The following TNRC6C variants were observed in gnomAD, a reference collection of about 807,000 sequenced individuals.
TNRC6C encodes the protein trinucleotide repeat containing adaptor 6C, also known as trinucleotide repeat-containing gene 6C protein.
Under a neutral mutation model 153.7 loss-of-function variants are expected in TNRC6C, and 20 were observed. That is an observed-to-expected ratio of 0.13 (90% CI 0.09 to 0.19). The LOEUF (loss-of-function observed/expected upper bound fraction) is 0.19, where lower values mean the gene tolerates loss of function less well. TNRC6C is among the 10% of genes least tolerant of loss of function. The pLI, the probability that TNRC6C is intolerant of heterozygous loss-of-function variation, is 1.00. For synonymous variants in TNRC6C, 811 were observed against 841.4 expected (o/e 0.96, Z 0.63); for missense variants, 1,987 against 2,172.0 (o/e 0.91, Z 1.69).
intron 11 of TNRC6C, among the ~76,000 whole-genome samples, chr17:78,085,869 A>G (rs945422291): frequency 1.3e-5 from 2 of 151,594 alleles, no homozygotes; most frequent in Non-Finnish European, 2.9e-5. Flanking sequence ...TTCAGTTTGT[A>G]TGAATCAAGC....
At chr17:78,002,991 C>T (rs919454614), upstream of TNRC6C, among the ~76,000 whole-genome samples, 18 of 151,928 alleles carry the variant, frequency 1.2e-4, no homozygotes, top group African/African-American at 4.1e-4. Context: ...GAACAGGTGC[C>T]ATGTAAATAG....
At chr17:78,016,907 G>A (rs916581514) in intron 1 of TNRC6C, among the ~76,000 whole-genome samples, 1 of 152,168 alleles carries the variant, frequency 6.6e-6, no homozygotes, top group Admixed American at 6.5e-5. Flanking sequence ...CACATGTTAT[G>A]GATGGCATGA....
At chr17:77,963,634 C>A (rs1360973599) in intron 1 of TNRC6C, among the ~76,000 whole-genome samples, 1 of 152,208 alleles carries the variant, frequency 6.6e-6, no homozygotes, top group Non-Finnish European at 1.5e-5. Context: ...ATCTGGGCAT[C>A]CAGCCATAAA....
chr17:78,010,972 G>A (rs567439839), intron 1 of TNRC6C, among the ~76,000 whole-genome samples: 7 of 152,302 alleles, frequency 4.6e-5, no homozygotes, highest in Non-Finnish European at 8.8e-5. Flanking sequence ...CTGTGCTCCG[G>A]GGGCGCCTCC....
At chr17:78,102,139 G>T (rs998079529) in intron 17 of TNRC6C, among the ~76,000 whole-genome samples, 2 of 152,202 alleles carry the variant, frequency 1.3e-5, no homozygotes, top group African/African-American at 2.4e-5. Flanking sequence ...CGGGTCTGGG[G>T]ACAGGCAGAG....
Position 78,030,404 on chromosome 17 carries a change from TC to T in TNRC6C, c.-545-1110del, listed in dbSNP as rs917168421. On this transcript the variant is annotated intron_variant, in intron 1 of 19. Transcript: ENST00000301624. ...GTCTCGAACTCTTGACCTCAGGTGATCCGCCCACCGTGGCCTCCCTAGACTT... is the reference window on the plus strand; with the variant it reads ...GTCTCGAACTCTTGACCTCAGGTGATCGCCCACCGTGGCCTCCCTAGACTT... 6.1e-4 allele frequency among the ~76,000 whole-genome samples: 93 copies of T among 151,982 alleles called. 2 individuals carry two copies. Among genetic ancestry groups the T allele is most frequent in the East Asian group, 1.9e-4 (1 of 5,174 alleles).
At chr17:78,103,922 G>A (rs989355234) in intron 19 of TNRC6C, among the ~76,000 whole-genome samples, 2 of 152,186 alleles carry the variant, frequency 1.3e-5, no homozygotes, top group Non-Finnish European at 2.9e-5. Context: ...ATCTCCAAAC[G>A]TAGTCACATG....
At chr17:78,090,980 A>G (rs2073383537) in intron 13 of TNRC6C, among the ~76,000 whole-genome samples, 1 of 152,174 alleles carries the variant, frequency 6.6e-6, no homozygotes. Context: ...TTTTCCTAAT[A>G]GTTTGGACTT....
intron 11 of TNRC6C, among the ~76,000 whole-genome samples, chr17:78,084,621 C>CTTTTTTTT (rs888498648): frequency 2.2e-5 from 3 of 134,196 alleles, no homozygotes; most frequent in African/African-American, 5.5e-5. Context: ...TTTTCTTTTT[C>CTTTTTTTT]TTTTTTTTTT....
rs137895677 is a variant in TNRC6C at position 77,996,623 on chromosome 17, G to A, written c.-37-7547G>A. 9.4e-3 allele frequency among the ~76,000 whole-genome samples: 1,432 copies of A among 152,298 alleles called. 8 individuals carry two copies. Among genetic ancestry groups the A allele is most frequent in the Non-Finnish European group, 0.015 (998 of 68,030 alleles). On this transcript the variant is annotated intron_variant, in intron 1 of 22. Transcript: ENST00000636222. The stretch of plus-strand genomic sequence containing the variant: ...ACAACTTATTCCTGAACTCAAGAGG[G>A]CATACCTCACAGACACTTAGTTTTT...
At chr17:78,004,406 ATATC>A, upstream of TNRC6C, 1 of 1,015,536 alleles carries the variant, frequency 9.8e-7, no homozygotes, top group Non-Finnish European at 1.3e-6. Flanking sequence ...CGAATAATAG[ATATC>A]CTACTGGTGA....
exon 18 of TNRC6C, chr17:78,102,528 G>A: frequency 5.0e-6 from 8 of 1,604,044 alleles, no homozygotes; most frequent in East Asian, 2.3e-5. Flanking sequence ...CTCGTTCTTC[G>A]AAACCTCACT....
chr17:78,019,933 G>A (rs2071801074), intron 1 of TNRC6C, among the ~76,000 whole-genome samples: 1 of 152,094 alleles, frequency 6.6e-6, no homozygotes, highest in African/African-American at 2.4e-5. Context: ...TCTGAAAAGA[G>A]TTTATGGCTA....
intron 4 of TNRC6C, among the ~76,000 whole-genome samples, chr17:78,065,957 A>G (rs879908861): frequency 6.6e-6 from 1 of 152,200 alleles, no homozygotes; most frequent in Non-Finnish European, 1.5e-5. Flanking sequence ...GTGGCTGGGC[A>G]TGGTAGCTCA....
intron 1 of TNRC6C, among the ~76,000 whole-genome samples, chr17:78,020,274 G>A (rs551559481): frequency 2.6e-5 from 4 of 152,338 alleles, no homozygotes; most frequent in African/African-American, 7.2e-5. Flanking sequence ...GAACAAGTAC[G>A]TGGGTAAACT....
intron 1 of TNRC6C, among the ~76,000 whole-genome samples, chr17:78,005,472 T>C (rs894346134): frequency 8.5e-5 from 13 of 152,220 alleles, no homozygotes; most frequent in African/African-American, 3.1e-4. Flanking sequence ...ATATTCTTTC[T>C]GGATTCCCTC....
intron 2 of TNRC6C, among the ~76,000 whole-genome samples, chr17:78,033,193 T>TG (rs1362634348): frequency 3.9e-5 from 6 of 152,230 alleles, no homozygotes; most frequent in Non-Finnish European, 7.3e-5. Context: ...TTGACAGTAT[T>TG]GCATCAGTTT....
chr17:78,084,293 A>G (rs2073236358), intron 11 of TNRC6C, among the ~76,000 whole-genome samples: 1 of 151,762 alleles, frequency 6.6e-6, no homozygotes, highest in South Asian at 2.1e-4. Context: ...AAAAAAAAAA[A>G]AGAAAATCAT....
intron 17 of TNRC6C, among the ~76,000 whole-genome samples, chr17:78,099,122 G>A (rs1246663008): frequency 6.6e-6 from 1 of 152,102 alleles, no homozygotes; most frequent in African/African-American, 2.4e-5. Flanking sequence ...CACCAGCGTG[G>A]GCAACAAAGT....
Sources: gnomAD v4.1 joint callset for allele counts (sites outside exome capture counted in the v4.1 genomes callset) on GRCh38, gnomAD v4.1.1 for gene constraint, MANE v1.5 for transcripts, NCBI Gene and HGNC (gene_info 2026-07-23, HGNC 2026-07-21) for gene names.